HELZ2: variants seen among roughly 807,000 people sequenced by gnomAD.
The protein encoded by HELZ2 is helicase with zinc finger 2, also known as 3'-5' exoribonuclease HELZ2.
A neutral mutation model predicts 208.8 loss-of-function variants in HELZ2; 143 were observed. That is an observed-to-expected ratio of 0.68 (90% CI 0.60 to 0.79). The LOEUF (loss-of-function observed/expected upper bound fraction) is 0.79. HELZ2 is among the 30% of genes least tolerant of loss of function. HELZ2 has a pLI of 0.00. For synonymous variants in HELZ2, 1,705 were observed against 1,693.7 expected (o/e 1.01, Z -0.16); for missense variants, 3,690 against 3,794.5 (o/e 0.97, Z 0.72).
chr20:63,569,418 T>C, exon 4 of HELZ2: 1 of 1,608,532 alleles, frequency 6.2e-7, no homozygotes. Context: ...GCGACGCCCC[T>C]GGCCCAGCTG....
chr20:63,570,206 T>G (rs1242904142), intron 3 of HELZ2: 1 of 517,312 alleles, frequency 1.9e-6, no homozygotes, highest in East Asian at 5.0e-5. Flanking sequence ...GTGATCCACC[T>G]GCCTCGGTCT....
At chr20:63,561,653 T>C in exon 12 of HELZ2, 2 of 1,612,334 alleles carry the variant, frequency 1.2e-6, no homozygotes, top group Non-Finnish European at 8.5e-7. Context: ...AGCAGCTTCC[T>C]GCTGCCCACA....
exon 8 of HELZ2, chr20:63,565,503 C>T (rs1402029371): frequency 1.2e-6 from 2 of 1,606,488 alleles, no homozygotes; most frequent in Non-Finnish European, 1.7e-6. Flanking sequence ...TACAGCCGGG[C>T]CTGCTGCAGG....
chr20:63,569,980 A>G (rs2083001629), intron 3 of HELZ2: 2 of 491,134 alleles, frequency 4.1e-6, no homozygotes, highest in East Asian at 7.4e-5. Flanking sequence ...ACGGAGTTTC[A>G]CTCTTGTCGC....
rs778987955 is a variant in HELZ2 at position 63,560,838 on chromosome 20, C to T, written c.7238G>A (p.Arg2413Gln). ...CAGCATATGTGCGTCCTCGTGGTAC[C>T]GCTCGAACAGAGACCGGTCCAGACC... Residue 2413 changes from arginine (R) to glutamine (Q), a missense_variant, in exon 15 of 19, where the codon CGG becomes CAG. Arg to Gln is a conservative substitution (Grantham distance 43). This residue lies in a region of HELZ2 where 2,564 missense variants were observed against 2,580.5 expected (regional missense o/e 0.99). Transcript: ENST00000467148. 10 of 1,613,046 alleles carry T rather than the reference C, an allele frequency of 6.2e-6. No homozygotes were observed. The East Asian group carries it at 1.1e-4, about 18-fold the overall frequency.
chr20:63,567,005 C>A, exon 6 of HELZ2: 1 of 1,611,004 alleles, frequency 6.2e-7, no homozygotes. Context: ...CTGCCCGCCA[C>A]GTGGCAGAAC....
chr20:63,572,046 C>T (rs2083020469), intron 1 of HELZ2, 62 bp downstream of exon 2: 1 of 1,513,912 alleles, frequency 6.6e-7, no homozygotes, highest in African/African-American at 1.4e-5. Flanking sequence ...TCCTGGGAAC[C>T]TCTGGTTCTG....
At position 63,561,335 on chromosome 20, in the gene HELZ2, G is replaced by A. The variant is rs991444037; in HGVS notation, c.6953+15C>T. On this transcript the variant is annotated intron_variant, in intron 13 of 18. Coordinates refer to ENST00000467148, the Ensembl canonical transcript of HELZ2. The stretch of plus-strand genomic sequence containing the variant: ...ATGCTGCAGGCAGCTCCACCCCCTG[G>A]CCCCTGCCACTTACCAGACCAGGTC... 3 of 1,612,646 alleles carry A rather than the reference G, an allele frequency of 1.9e-6. No homozygotes were observed. The highest frequency in any genetic ancestry group is 3.3e-5 in the Admixed American group (2 of 59,964).
At chr20:63,570,048 A>G (rs1227284602) in intron 3 of HELZ2, 1 of 420,724 alleles carries the variant, frequency 2.4e-6, no homozygotes, top group Admixed American at 3.5e-5. Flanking sequence ...TCCTGGGTTC[A>G]AGTGATTTTC....
At chr20:63,568,399 C>A (rs377300620) in exon 5 of HELZ2, 148 of 1,610,366 alleles carry the variant, frequency 9.2e-5, no homozygotes, top group Non-Finnish European at 1.2e-4. Flanking sequence ...TTTCAGGCCT[C>A]CGGATGACCT....
rs770345236 is a variant in HELZ2, at chr20:63,565,946, C to G, written c.2876G>C (p.Arg959Pro). Residue 959 changes from arginine (R) to proline (P), a missense_variant, in exon 8 of 19, where the codon CGG becomes CCG. Physicochemically the swap from Arg to Pro is moderately radical, Grantham distance 103. This residue lies in a region of HELZ2 where 2,564 missense variants were observed against 2,580.5 expected (regional missense o/e 0.99). Coordinates refer to ENST00000467148, the Ensembl canonical transcript of HELZ2. ...CTGTGTGCCTCGGGGAGGCCAGCGC[C>G]GTCTCTGCGCCACACCCTGCTCGAC... 14 of 1,598,798 alleles carry G rather than the reference C, an allele frequency of 8.8e-6. No individual in the cohort carries two copies. Among genetic ancestry groups the G allele is most frequent in the Non-Finnish European group, 1.1e-5 (13 of 1,179,544 alleles).
At chr20:63,562,990 C>T (rs1569030311) in exon 8 of HELZ2, 3 of 1,598,956 alleles carry the variant, frequency 1.9e-6, no homozygotes, top group Non-Finnish European at 2.6e-6. Flanking sequence ...ATGGTTCCCA[C>T]ACGCAGGCGT....
exon 1 of HELZ2, chr20:63,572,140 G>C (rs1157796105): frequency 7.4e-6 from 12 of 1,611,480 alleles, no homozygotes; most frequent in Non-Finnish European, 9.3e-6. Flanking sequence ...AGAGTCCCGG[G>C]GGTGGGGAAC....
rs1184424536 is a variant in HELZ2 at position 63,563,438 on chromosome 20, C to T, written c.5384G>A (p.Trp1795Ter). The T allele has an allele frequency of 1.3e-6, 2 of 1,530,024 alleles. No individual in the cohort carries two copies. The highest frequency in any genetic ancestry group is 2.4e-5 in the East Asian group (1 of 40,820). 94.8% of individuals were successfully genotyped at this position (1,530,024 alleles called of 1,614,324 possible). Residue 1795 changes from tryptophan to a stop codon, truncating the protein, a stop_gained, in exon 8 of 19, where the codon TGG becomes TAG. Coordinates refer to ENST00000467148, the Ensembl canonical transcript of HELZ2. LOFTEE classifies it high-confidence loss of function. The stretch of plus-strand genomic sequence containing the variant: ...CTGCGCTGAGTAGACACGGCGCCGC[C>T]ACAGGAGCCGCAGGCCCGGCCGGCC...
chr20:63,562,177 G>C, exon 10 of HELZ2: 1 of 1,612,060 alleles, frequency 6.2e-7, no homozygotes, highest in Non-Finnish European at 8.5e-7. Context: ...TTGTAGGTCT[G>C]CCGCTCCAGG....
At position 63,559,901 on chromosome 20, in the gene HELZ2, C is replaced by T. The variant is rs776033857; in HGVS notation, c.7825+27G>A. 3 of 1,603,014 alleles carry T rather than the reference C, an allele frequency of 1.9e-6. No individual in the cohort carries two copies. In the East Asian group the frequency reaches 6.7e-5, roughly 36 times the overall value. ...GCCCTGGCCTCACCTGTGTTCCCAC[C>T]CTGGAAGAGCCCAGCCCCGCCCTCA... On this transcript the variant is annotated intron_variant, in intron 18 of 18. Coordinates refer to ENST00000467148, the Ensembl canonical transcript of HELZ2.
chr20:63,567,098 A>G (rs2082969532), exon 6 of HELZ2: 1 of 1,612,032 alleles, frequency 6.2e-7, no homozygotes, highest in African/African-American at 1.3e-5. Context: ...AAGTGCCGCG[A>G]GATGAAGCTG....
exon 8 of HELZ2, chr20:63,566,133 C>A: frequency 6.4e-7 from 1 of 1,570,732 alleles, no homozygotes; most frequent in South Asian, 1.1e-5. Context: ...GTGTTGAGCA[C>A]GCGGGCGTCG....
intron 7 of HELZ2, 42 bp from the exon 9 acceptor site, chr20:63,566,273 C>G: frequency 1.3e-6 from 2 of 1,488,206 alleles, no homozygotes; most frequent in Non-Finnish European, 9.0e-7. Context: ...GTGCGCAAGA[C>G]GGTGGGACCA....
Sources: gnomAD v4.1 joint callset for allele counts on GRCh38, gnomAD v4.1.1 for gene constraint, gnomAD v4.1.1 regional missense constraint, MANE v1.5 for transcripts, NCBI Gene and HGNC (gene_info 2026-07-23, HGNC 2026-07-21) for gene names.